SMPD4: variants seen among roughly 807,000 people sequenced by gnomAD.
The protein encoded by SMPD4 is neutral sphingomyelinase 3.
Under a neutral mutation model 97.8 loss-of-function variants are expected in SMPD4, and 58 were observed. The ratio of observed to expected loss-of-function variants is 0.59; its 90% CI spans 0.48 to 0.74. The LOEUF (loss-of-function observed/expected upper bound fraction) is 0.74. Ranked by LOEUF, SMPD4 falls within the 30% of genes least tolerant of loss-of-function variation. The probability of loss-of-function intolerance (pLI) is 0.00; values close to 1 mark genes in which losing one functional copy is unlikely to be tolerated. For synonymous variants in SMPD4, 388 were observed against 450.0 expected (o/e 0.86, Z 1.74); for missense variants, 853 against 1,080.5 (o/e 0.79, Z 2.95).
chr2:130,156,351 T>G, intron 13 of SMPD4: 1 of 657,044 alleles, frequency 1.5e-6, no homozygotes, highest in Admixed American at 2.9e-5. Flanking sequence ...GAGTACTCCC[T>G]GGTCAGGTAA....
At chr2:130,163,881 C>T (rs949148811) in intron 10 of SMPD4, among the ~76,000 whole-genome samples, 1 of 152,202 alleles carries the variant, frequency 6.6e-6, no homozygotes, top group Non-Finnish European at 1.5e-5. Context: ...CAGGGGGGCA[C>T]CAGGTGCCAC....
intron 1 of SMPD4, among the ~76,000 whole-genome samples, chr2:130,177,550 A>G (rs1431818614): frequency 6.6e-6 from 1 of 152,106 alleles, no homozygotes; most frequent in Non-Finnish European, 1.5e-5. Flanking sequence ...TACAAAAATT[A>G]GCCGGGCATG....
chr2:130,181,260 T>C, intron 1 of SMPD4: 1 of 1,356,486 alleles, frequency 7.4e-7, no homozygotes, highest in Admixed American at 3.2e-5. Context: ...TTCCCTCAAT[T>C]CCTTCAACGA....
chr2:130,181,582 A>C lies in SMPD4; in HGVS notation c.-98T>G, dbSNP rs1689648530. ...CAGAGATGGAAGCCGCCATTCCGCC[A>C]CGGCGCCGAAAGTCGTCATCAAGCT... On this transcript the variant is annotated 5_prime_UTR_variant, in exon 1 of 20. Transcript: ENST00000680298. The C allele has an allele frequency of 6.2e-7, 1 of 1,605,634 alleles. No homozygotes were observed. Among genetic ancestry groups the C allele is most frequent in the South Asian group, 1.1e-5 (1 of 89,700 alleles).
At chr2:130,153,196 G>C in intron 18 of SMPD4, 25 bp from the exon 19 acceptor site, 1 of 1,613,596 alleles carries the variant, frequency 6.2e-7, no homozygotes, top group South Asian at 1.1e-5. Context: ...CATGGGGATG[G>C]GTCAGAAAAC....
chr2:130,155,291 C>T lies in SMPD4; in HGVS notation c.1290-32G>A, dbSNP rs756402062. ...ACCGAGGTGGCAGGTTGGGGCCAGC[C>T]TTCCAACTGGAAGCATGCCCCTAAT... On this transcript the variant is annotated intron_variant, in intron 14 of 19. Transcript: ENST00000680298. 25 of 1,612,752 alleles carry T rather than the reference C, an allele frequency of 1.6e-5. No individual in the cohort carries two copies. The African/African-American group carries it at 2.8e-4, about 18-fold the overall frequency.
Position 130,155,121 on chromosome 2 carries a change from G to T in SMPD4, c.1428C>A (p.Pro476=). The T allele has an allele frequency of 1.9e-6, 3 of 1,614,216 alleles. No individual in the cohort carries two copies. Among genetic ancestry groups the T allele is most frequent in the Non-Finnish European group, 2.5e-6 (3 of 1,180,042 alleles). Residue 476 remains proline, a synonymous_variant, in exon 15 of 20, where the codon CCC becomes CCA. Coordinates refer to ENST00000680298, the MANE Select transcript of SMPD4 (RefSeq NM_017951.5). ...VFRVAKVFAQ[P]NLAEMIQKGE... Reference sequence around the variant, plus strand: ...CTTTCTGAATCATCTCAGCCAGGTTGGGCTGGGCAAAGACTTTGGCCACTC... The same window carrying T: ...CTTTCTGAATCATCTCAGCCAGGTTTGGCTGGGCAAAGACTTTGGCCACTC...
chr2:130,178,351 A>G (rs952285935), intron 1 of SMPD4, among the ~76,000 whole-genome samples: 10 of 152,210 alleles, frequency 6.6e-5, no homozygotes, highest in African/African-American at 2.2e-4. Flanking sequence ...CCACCCAGCT[A>G]GTAAGTGGCA....
intron 9 of SMPD4, among the ~76,000 whole-genome samples, chr2:130,166,146 T>C (rs1687904117): frequency 6.6e-6 from 1 of 151,684 alleles, no homozygotes; most frequent in South Asian, 2.1e-4. Context: ...CCATCTCTAC[T>C]AAAAATGCAA....
At chr2:130,174,630 A>T (rs1338642880) in intron 3 of SMPD4, among the ~76,000 whole-genome samples, 1 of 152,198 alleles carries the variant, frequency 6.6e-6, no homozygotes, top group African/African-American at 2.4e-5. Context: ...ACTTCTTAGA[A>T]GCTAGTAGCA....
chr2:130,154,425 A>G lies in SMPD4; in HGVS notation c.1511T>C (p.Phe504Ser). 7 of 1,583,988 alleles carry G rather than the reference A, an allele frequency of 4.4e-6. No homozygotes were observed. Among genetic ancestry groups the G allele is most frequent in the Middle Eastern group, 1.7e-4 (1 of 5,960 alleles). Reference sequence around the variant, plus strand: ...GCTCCCAGTGAATGTGGGGGCCGTGAAGAGTCGGTGCTGGCGGTGGGGGAT... The same window carrying G: ...GCTCCCAGTGAATGTGGGGGCCGTGGAGAGTCGGTGCTGGCGGTGGGGGAT... The part of the protein sequence containing the change: ...LVIPHRQHRL[F>S]TAPTFTGSFL... Residue 504 changes from phenylalanine to serine, a missense_variant, in exon 16 of 20, where the codon TTC becomes TCC. Around this residue, in one of 3 missense-constraint regions of SMPD4, gnomAD observed 511 missense variants for 608.1 expected, o/e 0.84. Transcript: ENST00000680298.
chr2:130,161,711 G>A (rs1250753229), intron 10 of SMPD4, among the ~76,000 whole-genome samples: 1 of 152,144 alleles, frequency 6.6e-6, no homozygotes, highest in African/African-American at 2.4e-5. Context: ...GCAAACCAGA[G>A]CCCTCCAAGA....
chr2:130,178,744 A>G (rs1194328383), intron 1 of SMPD4, among the ~76,000 whole-genome samples: 2 of 151,924 alleles, frequency 1.3e-5, no homozygotes, highest in Non-Finnish European at 2.9e-5. Context: ...GCAGTGAGCC[A>G]AGATCACACC....
rs1183439738 is a variant in SMPD4 at position 130,166,452 on chromosome 2, G to A, written c.792+1006C>T. On this transcript the variant is annotated intron_variant, in intron 9 of 19. Transcript: ENST00000680298. Reference sequence around the variant, plus strand: ...CGGTCCACACAGCCAAGAGCCATCTGGGCATCATGGTCCCCTCTGTGAACA... The same window carrying A: ...CGGTCCACACAGCCAAGAGCCATCTAGGCATCATGGTCCCCTCTGTGAACA... 2.6e-5 allele frequency among the ~76,000 whole-genome samples: 4 copies of A among 152,130 alleles called. No individual in the cohort carries two copies. In the East Asian group the frequency reaches 7.7e-4, roughly 29 times the overall value.
At chr2:130,158,910 A>G (rs1460702583) in intron 11 of SMPD4, among the ~76,000 whole-genome samples, 1 of 152,192 alleles carries the variant, frequency 6.6e-6, no homozygotes, top group African/African-American at 2.4e-5. Context: ...TACCCACTCA[A>G]GTCTCCCCGT....
At chr2:130,181,491 G>C in intron 1 of SMPD4, 39 bp downstream of exon 1, 4 of 1,571,782 alleles carry the variant, frequency 2.5e-6, no homozygotes, top group Non-Finnish European at 3.4e-6. Flanking sequence ...AGCCCCCAGG[G>C]CGCCGGACCG....
chr2:130,155,711 C>T (rs1201776581), intron 14 of SMPD4, among the ~76,000 whole-genome samples: 2 of 151,990 alleles, frequency 1.3e-5, no homozygotes, highest in Admixed American at 6.5e-5. Flanking sequence ...GCTTGATCAC[C>T]GCTGCTCTGT....
rs749788266 is a variant in SMPD4 at position 130,154,054 on chromosome 2, G to A, written c.1660-119C>T. 2.7e-6 allele frequency: 3 copies of A among 1,117,118 alleles called. No individual in the cohort carries two copies. The African/African-American group carries it at 4.7e-5, about 18-fold the overall frequency. 69.2% of individuals were successfully genotyped at this position (1,117,118 alleles called of 1,614,324 possible). Reference sequence around the variant, plus strand: ...TCAGGAGGAGTGGCTTCTGCCAGAAGACTTTTAAAGACTAAAGGATGATCT... The same window carrying A: ...TCAGGAGGAGTGGCTTCTGCCAGAAAACTTTTAAAGACTAAAGGATGATCT... On this transcript the variant is annotated intron_variant, in intron 16 of 19. Transcript: ENST00000680298.
intron 9 of SMPD4, 73 bp downstream of exon 9, chr2:130,167,385 T>G: frequency 6.2e-7 from 1 of 1,604,810 alleles, no homozygotes. Flanking sequence ...CCTCGCAAAG[T>G]GCTGGGGATT....
Sources: allele counts gnomAD v4.1 joint callset (sites outside exome capture counted in the v4.1 genomes callset), GRCh38; gene constraint gnomAD v4.1.1; regional missense constraint gnomAD v4.1.1; transcripts MANE v1.5; gene names NCBI Gene and HGNC (gene_info 2026-07-23, HGNC 2026-07-21).